SPATA13: variants seen among roughly 807,000 people sequenced by gnomAD.
SPATA13 encodes the protein spermatogenesis-associated protein 13.
Under a neutral mutation model 104.0 loss-of-function variants are expected in SPATA13, and 50 were observed. That is an observed-to-expected ratio of 0.48 (90% CI 0.38 to 0.61). The LOEUF (loss-of-function observed/expected upper bound fraction) is 0.61. Among genes scored for constraint, SPATA13 ranks in the 20% least tolerant of loss-of-function variants. The pLI is 0.00. For missense variants in SPATA13, 1,524 were observed against 1,690.6 expected (o/e 0.90, Z 1.73); for synonymous variants, 606 against 667.5 (o/e 0.91, Z 1.42).
chr13:24,014,434 C>G (rs1356093894), intron 2 of SPATA13, among the ~76,000 whole-genome samples: 1 of 152,144 alleles, frequency 6.6e-6, no homozygotes, highest in Non-Finnish European at 1.5e-5. Context: ...CTACTAATAG[C>G]CTGCTATTGA....
chr13:24,297,229 G>A (rs1480457464), intron 10 of SPATA13, 134 bp from the exon 11 acceptor site: 14 of 1,014,080 alleles, frequency 1.4e-5, no homozygotes, highest in Non-Finnish European at 2.0e-5. Context: ...ATGTGGAGAT[G>A]GGGTCTTGCT....
chr13:24,152,264 C>T (rs1440002396), intron 3 of SPATA13, among the ~76,000 whole-genome samples: 1 of 152,174 alleles, frequency 6.6e-6, no homozygotes, highest in Non-Finnish European at 1.5e-5. Context: ...GGCACGGGGA[C>T]TCCCTCTGCC....
intron 1 of SPATA13, among the ~76,000 whole-genome samples, chr13:24,203,723 GC>G (rs1479447945): frequency 1.3e-5 from 2 of 152,134 alleles, no homozygotes; most frequent in Non-Finnish European, 2.9e-5. Context: ...GGGAGAAAGA[GC>G]TGGAAAGACA....
intron 1 of SPATA13, among the ~76,000 whole-genome samples, chr13:24,168,730 C>T (rs1297130521): frequency 6.6e-6 from 1 of 152,128 alleles, no homozygotes; most frequent in African/African-American, 2.4e-5. Flanking sequence ...AACATCCCTC[C>T]AGCCCTCATT....
chr13:24,217,333 A>G (rs1310434309), intron 1 of SPATA13, among the ~76,000 whole-genome samples: 1 of 152,158 alleles, frequency 6.6e-6, no homozygotes, highest in African/African-American at 2.4e-5. Flanking sequence ...CTTCTTCCTA[A>G]TAGCATCAGT....
chr13:24,073,156 G>T (rs2137768635), intron 3 of SPATA13, among the ~76,000 whole-genome samples: 1 of 152,244 alleles, frequency 6.6e-6, no homozygotes, highest in South Asian at 2.1e-4. Context: ...GTAGAAGATT[G>T]TATGTTGGTG....
rs139170019 is a variant in SPATA13 at position 24,194,619 on chromosome 13, G to A, written c.-111-28200G>A. On this transcript the variant is annotated intron_variant, in intron 1 of 12. Coordinates refer to ENST00000382108, the MANE Select transcript of SPATA13 (RefSeq NM_001166271.3). ...AATAGCTGCATAATGAGCCCGGTAG[G>A]TCCTCATTGATTCACCACTCACCGA... Among the ~76,000 whole-genome samples the A allele has an allele frequency of 5.0e-4, 76 of 152,278 alleles. 1 individual carries two copies. Among genetic ancestry groups the A allele is most frequent in the African/African-American group, 1.7e-3 (70 of 41,564 alleles).
rs1245370428 is a variant in SPATA13 at position 24,303,408 on chromosome 13, G to T, written c.*635G>T. On this transcript the variant is annotated 3_prime_UTR_variant, in exon 13 of 13. Coordinates refer to ENST00000382108, the MANE Select transcript of SPATA13 (RefSeq NM_001166271.3). Reference sequence around the variant, plus strand: ...CCTCTTCCTGCAAGCAAAGTGGAGAGAAAGAAGATGCATCTGTCACCTTCA... The same window carrying T: ...CCTCTTCCTGCAAGCAAAGTGGAGATAAAGAAGATGCATCTGTCACCTTCA... The T allele has an allele frequency of 9.6e-6, 2 of 207,440 alleles. No individual in the cohort carries two copies. Among genetic ancestry groups the T allele is most frequent in the South Asian group, 5.3e-5 (1 of 18,724 alleles). 12.8% of individuals were successfully genotyped at this position (207,440 alleles called of 1,614,324 possible).
chr13:24,224,092 C>T lies in SPATA13; in HGVS notation c.1163C>T (p.Thr388Ile), dbSNP rs1024709225. The T allele has an allele frequency of 2.6e-6, 4 of 1,551,176 alleles. No individual in the cohort carries two copies. Among genetic ancestry groups the T allele is most frequent in the Non-Finnish European group, 3.5e-6 (4 of 1,146,954 alleles). ...ATGCATGGGACCACTGCAACCTGCA[C>T]CGTGGCCCCCGGTTTCGGCTCAGCC... ...AVMHGTTATC[T>I]VAPGFGSATS... Residue 388 changes from threonine (T) to isoleucine (I), a missense_variant, in exon 2 of 13, where the codon ACC becomes ATC. Thr to Ile is a moderately conservative substitution (Grantham distance 89). Coordinates refer to ENST00000382108, the MANE Select transcript of SPATA13 (RefSeq NM_001166271.3).
At chr13:24,173,237 G>A (rs112212602) in intron 1 of SPATA13, among the ~76,000 whole-genome samples, 18,888 of 151,914 alleles carry the variant, frequency 0.12, 1,867 homozygotes, top group African/African-American at 0.27. Context: ...GTCACCAGGC[G>A]TGGCTAATTT....
rs547757570 is a variant in SPATA13 at position 24,065,694 on chromosome 13, A to G, written c.-112+47993A>G. 2.0e-5 allele frequency among the ~76,000 whole-genome samples: 3 copies of G among 152,382 alleles called. No individual in the cohort carries two copies. The South Asian group carries it at 6.2e-4, about 32-fold the overall frequency. ...AATAGATGGAATTAATACTAGAATC[A>G]CATGGTATTGTATTTGTTTCATAGA... On this transcript the variant is annotated intron_variant, in intron 3 of 14. Transcript: ENST00000424834.
chr13:24,114,387 G>GTGCCTGCATGTGTGCACATGCGCGTA lies in SPATA13; in HGVS notation c.-112+96688_-112+96689insCCTGCATGTGTGCACATGCGCGTATG, dbSNP rs1566108242. Among the ~76,000 whole-genome samples, 3 of 152,300 alleles carry GTGCCTGCATGTGTGCACATGCGCGTA rather than the reference G, an allele frequency of 2.0e-5. No individual in the cohort carries two copies. The South Asian group carries it at 6.2e-4, about 32-fold the overall frequency. On this transcript the variant is annotated intron_variant, in intron 3 of 14. Transcript: ENST00000424834. ...TGCCTGCATGTGTGCACATGCGCGT[G>GTGCCTGCATGTGTGCACATGCGCGTA]TGTGTGCATGTGTGCACACATGTAG...
intron 1 of SPATA13, among the ~76,000 whole-genome samples, chr13:24,212,569 G>A (rs544129651): frequency 6.6e-5 from 10 of 152,254 alleles, no homozygotes; most frequent in East Asian, 1.9e-4. Context: ...ATTCCATATC[G>A]TTAAAGTTCT....
intron 1 of SPATA13, among the ~76,000 whole-genome samples, chr13:24,189,451 G>A (rs1246392568): frequency 3.5e-5 from 5 of 142,922 alleles, no homozygotes; most frequent in Non-Finnish European, 7.5e-5. Flanking sequence ...TCCAGCCTGG[G>A]TGACAGAGCG....
chr13:23,990,824 G>A (rs1875378474), intron 2 of SPATA13, among the ~76,000 whole-genome samples: 1 of 152,218 alleles, frequency 6.6e-6, no homozygotes, highest in Non-Finnish European at 1.5e-5. Context: ...GAGAACTAAA[G>A]GAGAATGCCT....
intron 2 of SPATA13, chr13:24,017,591 G>A (rs547315247): frequency 1.2e-5 from 9 of 753,076 alleles, no homozygotes; most frequent in South Asian, 6.0e-5. Flanking sequence ...GACCCTGTCT[G>A]GCATTCCGAT....
rs973289830 is a variant in SPATA13 at position 24,011,510 on chromosome 13, G to A, written c.-146-6157G>A. ...ACAGAACCTGGAATTCTGTTGCCAC[G>A]CTCCCTGTCCTGGCTGGCTGATGCC... On this transcript the variant is annotated intron_variant, in intron 2 of 14. Transcript: ENST00000424834. This position sits in a 1 kb window ranked among gnomAD's most constrained non-coding sequence, Gnocchi z 4.3. Among the ~76,000 whole-genome samples the A allele has an allele frequency of 3.9e-5, 6 of 152,168 alleles. No homozygotes were observed. The highest frequency in any genetic ancestry group is 1.2e-4 in the African/African-American group (5 of 41,448).
chr13:24,295,611 C>CA (rs574901593), intron 10 of SPATA13, among the ~76,000 whole-genome samples: 10 of 142,058 alleles, frequency 7.0e-5, no homozygotes, highest in South Asian at 2.2e-4. Context: ...GACTCCGTCT[C>CA]AAAAAAAAAA....
rs144157914 is a variant in SPATA13, at chr13:23,998,927, G to GATTTTTTTTTTTTTTTTT, written c.-147+14994_-147+14995insATTTTTTTTTTTTTTTTT. Among the ~76,000 whole-genome samples, 4 of 145,816 alleles carry GATTTTTTTTTTTTTTTTT rather than the reference G, an allele frequency of 2.7e-5. 2 individuals are homozygous for GATTTTTTTTTTTTTTTTT. The highest frequency in any genetic ancestry group is 3.0e-5 in the Non-Finnish European group (2 of 66,884). ...AATTTTCCATCTTTTCACTAACTTT[G>GATTTTTTTTTTTTTTTTT]GTTTTTTTTTTTTTTTGAGATGGAG... On this transcript the variant is annotated intron_variant, in intron 2 of 14. Coordinates refer to the SPATA13 transcript ENST00000424834.
Sources: gnomAD v4.1 joint callset for allele counts (sites outside exome capture counted in the v4.1 genomes callset) on GRCh38, gnomAD v4.1.1 for gene constraint, Gnocchi (gnomAD v3.1) non-coding constraint, MANE v1.5 for transcripts, NCBI Gene and HGNC (gene_info 2026-07-23, HGNC 2026-07-21) for gene names.